AKAP13: variants seen among roughly 807,000 people sequenced by gnomAD.
AKAP13 encodes the protein A-kinase anchoring protein 13.
In AKAP13, 80 loss-of-function variants were observed where a neutral mutation model predicts 264.5. The observed-to-expected ratio is 0.30, with a 90% CI of 0.25 to 0.36. AKAP13 has a LOEUF of 0.36. Ranked by LOEUF, AKAP13 falls within the 10% of genes least tolerant of loss-of-function variation. The pLI is 1.00. For missense variants in AKAP13, 3,712 were observed against 3,435.2 expected (o/e 1.08, Z -2.01); for synonymous variants, 1,380 against 1,250.2 (o/e 1.10, Z -2.19).
At chr15:85,725,481 G>GT (rs1217065900) in intron 26 of AKAP13, among the ~76,000 whole-genome samples, 1 of 152,086 alleles carries the variant, frequency 6.6e-6, no homozygotes, top group Non-Finnish European at 1.5e-5. Context: ...AATTGCAGTA[G>GT]TTTAGCCTAA....
At chr15:85,612,545 G>A (rs963848030) in intron 8 of AKAP13, among the ~76,000 whole-genome samples, 3 of 152,186 alleles carry the variant, frequency 2.0e-5, no homozygotes, top group Non-Finnish European at 1.5e-5. Context: ...AGTAGATCAA[G>A]CGTGGTGGCT....
In AKAP13 at chr15:85,581,633, C is replaced by A. The variant is rs2079143627; in HGVS notation, c.3565C>A (p.Gln1189Lys). The stretch of plus-strand genomic sequence containing the variant: ...CGATGAAGCACATCCTGTCCTACTG[C>A]AGCCTGTTGCCAAGGAGCTCCCCAC... ...IDDEAHPVLL[Q>K]PVAKELPTDM... The change falls in exon 7 of 37, where the codon CAG (glutamine) becomes AAG (lysine). Residue 1189 changes from glutamine (Q) to lysine (K), a missense_variant. By Grantham distance (53) the Gln-to-Lys change is moderately conservative. Coordinates refer to ENST00000394518, the MANE Select transcript of AKAP13 (RefSeq NM_007200.5). 6.2e-7 allele frequency: 1 copy of A among 1,614,192 alleles called. No homozygotes were observed. The highest frequency in any genetic ancestry group is 1.1e-5 in the South Asian group (1 of 91,090).
intron 17 of AKAP13, among the ~76,000 whole-genome samples, chr15:85,697,262 C>T (rs1467989429): frequency 1.3e-5 from 2 of 152,094 alleles, no homozygotes; most frequent in African/African-American, 4.8e-5. Flanking sequence ...GATGTACAAG[C>T]AAGAGATGTT....
chr15:85,563,343 T>TTG (rs2078480118), intron 5 of AKAP13, among the ~76,000 whole-genome samples: 1 of 138,186 alleles, frequency 7.2e-6, no homozygotes, highest in Non-Finnish European at 1.5e-5. Context: ...TTTTTTTTTT[T>TTG]TTTTTTTTTT....
At chr15:85,726,374 C>A (rs376487062) in intron 26 of AKAP13, 36 bp from the exon 27 acceptor site, 1 of 1,565,348 alleles carries the variant, frequency 6.4e-7, no homozygotes, top group African/African-American at 1.4e-5. Flanking sequence ...AAGTAGTCAT[C>A]GTTTTATCTT....
chr15:85,562,691 C>CTTTTTTTTTTTTT (rs10598092), intron 5 of AKAP13, among the ~76,000 whole-genome samples: 80 of 100,506 alleles, frequency 8.0e-4, no homozygotes, highest in East Asian at 1.6e-3. Flanking sequence ...CTTTTCTTTT[C>CTTTTTTTTTTTTT]TTTTTTTTTT....
intron 30 of AKAP13, among the ~76,000 whole-genome samples, chr15:85,732,557 T>C (rs570856756): frequency 1.3e-5 from 2 of 150,536 alleles, no homozygotes; most frequent in Admixed American, 6.6e-5. Flanking sequence ...CGAATTCACA[T>C]TGATATTCTT....
At chr15:85,397,372 T>G (rs749453790) in intron 1 of AKAP13, among the ~76,000 whole-genome samples, 3 of 152,232 alleles carry the variant, frequency 2.0e-5, no homozygotes, top group Non-Finnish European at 2.9e-5. Context: ...GATGATCACT[T>G]TATTAGTTAG....
In AKAP13 at chr15:85,475,413, T is replaced by C. The variant is rs369214392; in HGVS notation, c.-11-10297T>C. On this transcript the variant is annotated intron_variant, in intron 1 of 36. Transcript: ENST00000394518. The stretch of plus-strand genomic sequence containing the variant: ...GCCATTGGGAGTTTTCTTCTCCATA[T>C]AGATCTTTGCAAAGCAGCAGAAACC... Among the ~76,000 whole-genome samples the C allele has an allele frequency of 9.2e-5, 14 of 152,244 alleles. No homozygotes were observed. The East Asian group carries it at 2.1e-3, about 23-fold the overall frequency.
At position 85,544,077 on chromosome 15, in the gene AKAP13, A is replaced by G. The variant is rs975774326; in HGVS notation, c.662+122A>G. ...CCGCAAATTAAAACCTCAGCTCTGT[A>G]TCTTGCCTTCTGCTGGAGGTTTGTA... is the stretch of plus-strand genomic sequence containing the variant. On this transcript the variant is annotated intron_variant, in intron 5 of 36. Transcript: ENST00000394518. The G allele has an allele frequency of 9.9e-6, 12 of 1,211,084 alleles. No homozygotes were observed. In the Admixed American group the frequency reaches 1.9e-4, roughly 19 times the overall value. The allele number at this position is 1,211,084 out of a possible 1,614,324, so 75.0% of individuals were successfully genotyped here.
intron 8 of AKAP13, among the ~76,000 whole-genome samples, chr15:85,591,597 C>CT (rs1031587068): frequency 6.6e-6 from 1 of 151,890 alleles, no homozygotes; most frequent in African/African-American, 2.4e-5. Flanking sequence ...GAGCCAGATG[C>CT]TGGAGGCAAG....
chr15:85,517,314 T>A (rs1352057147), intron 2 of AKAP13, among the ~76,000 whole-genome samples: 3 of 151,638 alleles, frequency 2.0e-5, no homozygotes, highest in Admixed American at 6.6e-5. Context: ...ATTTGACTCT[T>A]CCCATCCCCC....
intron 5 of AKAP13, 34 bp from the exon 6 acceptor site, chr15:85,575,097 T>A (rs377752753): frequency 6.2e-7 from 1 of 1,600,010 alleles, no homozygotes; most frequent in Admixed American, 1.7e-5. Flanking sequence ...GGAGGCAGAA[T>A]GTATATATAT....
chr15:85,401,876 A>G (rs2071434729), intron 1 of AKAP13, among the ~76,000 whole-genome samples: 1 of 152,238 alleles, frequency 6.6e-6, no homozygotes, highest in African/African-American at 2.4e-5. Context: ...AGACAGTAGT[A>G]ATAAGAATGC....
intron 8 of AKAP13, chr15:85,619,949 G>A (rs1190004332): frequency 1.4e-6 from 2 of 1,453,836 alleles, no homozygotes; most frequent in African/African-American, 2.8e-5. Context: ...CCCTTTGAGA[G>A]TTTTAATAGA....
intron 17 of AKAP13, among the ~76,000 whole-genome samples, chr15:85,703,447 C>T (rs944781933): frequency 6.6e-6 from 1 of 152,168 alleles, no homozygotes; most frequent in Non-Finnish European, 1.5e-5. Context: ...TTCTGTACAT[C>T]AGCACTGTGG....
chr15:85,437,349 G>C (rs1171272765), intron 1 of AKAP13, among the ~76,000 whole-genome samples: 1 of 152,178 alleles, frequency 6.6e-6, no homozygotes, highest in Non-Finnish European at 1.5e-5. Context: ...ACCAAAAAGA[G>C]TCCAGGACCA....
At chr15:85,676,839 C>G in intron 14 of AKAP13, 1 of 738,414 alleles carries the variant, frequency 1.4e-6, no homozygotes, top group Non-Finnish European at 1.7e-6. Context: ...AGAATGTAAA[C>G]AAATTATTAC....
In AKAP13 at chr15:85,411,538, C is replaced by T. The variant is rs187721449; in HGVS notation, c.-12+30740C>T. Among the ~76,000 whole-genome samples, 341 of 152,138 alleles carry T rather than the reference C, an allele frequency of 2.2e-3. 1 individual carries two copies. The highest frequency in any genetic ancestry group is 3.9e-3 in the East Asian group (20 of 5,180). The stretch of plus-strand genomic sequence containing the variant: ...CTGCAAGCTCCGCTTCCCGGGTTCA[C>T]GCCATTCTCCTGCCTCAGCCTCCTG... On this transcript the variant is annotated intron_variant, in intron 1 of 36. Transcript: ENST00000394518.
Sources: gnomAD v4.1 joint callset for allele counts (sites outside exome capture counted in the v4.1 genomes callset) on GRCh38, gnomAD v4.1.1 for gene constraint, MANE v1.5 for transcripts, NCBI Gene and HGNC (gene_info 2026-07-23, HGNC 2026-07-21) for gene names.